The following NSUN2 variants were observed in gnomAD, a reference collection of about 807,000 sequenced individuals.
NSUN2 encodes the protein NOP2/Sun RNA methyltransferase 2.
NSUN2 carries 63 observed loss-of-function variants against 92.7 expected under a neutral mutation model. That is an observed-to-expected ratio of 0.68 (90% CI 0.56 to 0.84). NSUN2 has a LOEUF of 0.84. Ranked by LOEUF, NSUN2 falls within the 40% of genes least tolerant of loss-of-function variation. The pLI, the probability that NSUN2 is intolerant of heterozygous loss-of-function variation, is 0.00. For synonymous variants in NSUN2, 356 were observed against 348.3 expected (o/e 1.02, Z -0.25); for missense variants, 989 against 964.9 (o/e 1.02, Z -0.33).
intron 15 of NSUN2, chr5:6,604,997 G>A (rs943477231): frequency 1.7e-6 from 1 of 578,330 alleles, no homozygotes; most frequent in Non-Finnish European, 3.0e-6. Context: ...TCTCTGCCCA[G>A]GAGGGCGAGC....
chr5:6,626,608 CA>C (rs1406355977), intron 3 of NSUN2, among the ~76,000 whole-genome samples: 1 of 152,170 alleles, frequency 6.6e-6, no homozygotes, highest in Non-Finnish European at 1.5e-5. Context: ...ATCAGTCTCC[CA>C]AAGTGTTGGG....
chr5:6,606,473 G>T (rs1736774906), intron 14 of NSUN2, among the ~76,000 whole-genome samples: 1 of 152,080 alleles, frequency 6.6e-6, no homozygotes, highest in Non-Finnish European at 1.5e-5. Context: ...TTTTAGTAGA[G>T]ACGGGGTTTC....
intron 3 of NSUN2, among the ~76,000 whole-genome samples, chr5:6,630,859 C>T (rs1737854135): frequency 6.6e-6 from 1 of 152,126 alleles, no homozygotes; most frequent in East Asian, 1.9e-4. Context: ...CTTTGGGAGG[C>T]CGAGGTGGGC....
In NSUN2 at chr5:6,600,017, G is replaced by C. The variant is rs1553996082; in HGVS notation, c.2213C>G (p.Ala738Gly). ...PDNDVTEGQR[A>G]GEPNSPDAEE... ...TGCATCTGGGCTGTTGGGCTCTCCT[G>C]CTCTCTGTCCCTCAGTCACGTCATT... Residue 738 changes from alanine to glycine, a missense_variant, in exon 19 of 19, where the codon GCA becomes GGA. Ala to Gly is a moderately conservative substitution (Grantham distance 60, BLOSUM62 0). This residue lies in a region of NSUN2 where 626 missense variants were observed against 602.3 expected (regional missense o/e 1.04). Coordinates refer to ENST00000264670, the MANE Select transcript of NSUN2 (RefSeq NM_017755.6). The C allele has an allele frequency of 1.9e-6, 3 of 1,614,208 alleles. No individual in the cohort carries two copies. Among genetic ancestry groups the C allele is most frequent in the Admixed American group, 3.3e-5 (2 of 60,036 alleles).
At chr5:6,606,475 C>A (rs917373407) in intron 14 of NSUN2, among the ~76,000 whole-genome samples, 3 of 152,034 alleles carry the variant, frequency 2.0e-5, no homozygotes, top group Admixed American at 6.5e-5. Flanking sequence ...TTAGTAGAGA[C>A]GGGGTTTCAC....
intron 18 of NSUN2, among the ~76,000 whole-genome samples, chr5:6,602,230 CTG>C (rs1175898643): frequency 2.6e-5 from 4 of 152,202 alleles, no homozygotes; most frequent in Admixed American, 6.5e-5. Context: ...ATTTTATTCT[CTG>C]TAAGTAAAAA....
chr5:6,620,077 T>C, intron 7 of NSUN2, 29 bp downstream of exon 7: 3 of 1,513,342 alleles, frequency 2.0e-6, no homozygotes, highest in Non-Finnish European at 2.7e-6. Context: ...TTTAGTGGAT[T>C]TGGGCTTTTT....
chr5:6,606,294 T>C (rs1736766848), intron 14 of NSUN2, among the ~76,000 whole-genome samples: 1 of 151,832 alleles, frequency 6.6e-6, no homozygotes, highest in South Asian at 2.1e-4. Flanking sequence ...TTTTCTTTTG[T>C]TTTTTTTGAG....
intron 6 of NSUN2, chr5:6,621,157 G>A (rs984107685): frequency 6.6e-6 from 1 of 152,138 alleles, no homozygotes; most frequent in African/African-American, 2.4e-5. Context: ...CCACTTAAGA[G>A]AAAGGGGCGT....
chr5:6,632,948 T>G lies in NSUN2; in HGVS notation c.32A>C (p.Gln11Pro). Reference protein sequence around the residue: MGRRSRGRRLQQQQRPEDAED... With the variant: MGRRSRGRRLPQQQRPEDAED... Reference sequence around the variant, plus strand: ...CGCGTCCTCCGGCCGCTGCTGTTGCTGGAGCCGCCGACCCCGCGACCGCCG... The same window carrying G: ...CGCGTCCTCCGGCCGCTGCTGTTGCGGGAGCCGCCGACCCCGCGACCGCCG... Residue 11 changes from glutamine (Q) to proline (P), a missense_variant, in exon 1 of 19, where the codon CAG becomes CCG. Coordinates refer to ENST00000264670, the MANE Select transcript of NSUN2 (RefSeq NM_017755.6). The G allele has an allele frequency of 6.7e-7, 1 of 1,501,964 alleles. No individual in the cohort carries two copies. Among genetic ancestry groups the G allele is most frequent in the Non-Finnish European group, 8.8e-7 (1 of 1,133,594 alleles). The allele number at this position is 1,501,964 out of a possible 1,614,324, so 93.0% of individuals were successfully genotyped here.
chr5:6,625,735 T>A, intron 3 of NSUN2, 66 bp from the exon 4 acceptor site: 1 of 1,160,740 alleles, frequency 8.6e-7, no homozygotes, highest in Non-Finnish European at 1.3e-6. Flanking sequence ...GACAACTTTG[T>A]GCTTCTATCA....
chr5:6,615,578 A>G (rs1737179628), intron 9 of NSUN2, among the ~76,000 whole-genome samples: 1 of 151,046 alleles, frequency 6.6e-6, no homozygotes, highest in Admixed American at 6.6e-5. Context: ...CAGGAAAATA[A>G]ACACAACATT....
At chr5:6,616,093 C>CT (rs1254982116) in intron 9 of NSUN2, among the ~76,000 whole-genome samples, 2 of 152,102 alleles carry the variant, frequency 1.3e-5, no homozygotes, top group Non-Finnish European at 2.9e-5. Flanking sequence ...TGGTGGGGTC[C>CT]CCCCAAAATT....
chr5:6,625,731 T>C, intron 3 of NSUN2, 62 bp from the exon 4 acceptor site: 2 of 1,207,560 alleles, frequency 1.7e-6, no homozygotes, highest in Admixed American at 3.5e-5. Context: ...TGTTGACAAC[T>C]TTGTGCTTCT....
rs1350333260 is a variant in NSUN2, at chr5:6,604,139, C to G, written c.1956G>C (p.Leu652=). ...SSETYSQAKD[L]AKGSIVLKYE... is the part of the protein sequence containing the mutation. The stretch of plus-strand genomic sequence containing the variant: ...CTCTATGCATTTCCAACTACTCACC[C>G]AGGTCCTTTGCTTGACTGTAGGTCT... Residue 652 remains leucine (L), a splice_region_variant and synonymous_variant, in exon 17 of 19, where the codon CTG becomes CTC. Coordinates refer to ENST00000264670, the MANE Select transcript of NSUN2 (RefSeq NM_017755.6). 4 of 1,612,634 alleles carry G rather than the reference C, an allele frequency of 2.5e-6. No homozygotes were observed. The Middle Eastern group carries it at 5.0e-4, about 200-fold the overall frequency.
chr5:6,610,623 G>A (rs1487575450), intron 11 of NSUN2, among the ~76,000 whole-genome samples: 1 of 151,058 alleles, frequency 6.6e-6, no homozygotes, highest in Non-Finnish European at 1.5e-5. Context: ...GGCAGAGGTT[G>A]CAGTGAGCCG....
At chr5:6,604,736 C>G in intron 15 of NSUN2, 51 bp from the exon 16 acceptor site, 1 of 1,465,410 alleles carries the variant, frequency 6.8e-7, no homozygotes, top group Non-Finnish European at 9.6e-7. Context: ...ACAGGACCAT[C>G]TCCTGTAAGG....
At position 6,599,853 on chromosome 5, in the gene NSUN2, T is replaced by C; in HGVS notation, c.*73A>G. 7.2e-7 allele frequency: 1 copy of C among 1,397,292 alleles called. No individual in the cohort carries two copies. The highest frequency in any genetic ancestry group is 9.9e-7 in the Non-Finnish European group (1 of 1,010,864). The allele number at this position is 1,397,292 out of a possible 1,614,324, so 86.6% of individuals were successfully genotyped here. The stretch of plus-strand genomic sequence containing the variant: ...AGGCCACAGGCTGCTCTGGATTTGG[T>C]TTCAGACACCAGTGACCAGAAGAAG... On this transcript the variant is annotated 3_prime_UTR_variant, in exon 19 of 19. Transcript: ENST00000264670.
intron 18 of NSUN2, among the ~76,000 whole-genome samples, chr5:6,601,529 C>T (rs1490724712): frequency 1.3e-5 from 2 of 152,080 alleles, no homozygotes; most frequent in Non-Finnish European, 2.9e-5. Context: ...TGTCCTCTCT[C>T]CACATGGCAG....
Sources: allele counts gnomAD v4.1 joint callset (sites outside exome capture counted in the v4.1 genomes callset), GRCh38; gene constraint gnomAD v4.1.1; regional missense constraint gnomAD v4.1.1; transcripts MANE v1.5; gene names NCBI Gene and HGNC (gene_info 2026-07-23, HGNC 2026-07-21).